ARNT: variants seen among roughly 807,000 people sequenced by gnomAD.
The protein encoded by ARNT is aryl hydrocarbon receptor nuclear translocator, also known as class E basic helix-loop-helix protein 2.
A neutral mutation model predicts 105.0 loss-of-function variants in ARNT; 30 were observed. The observed-to-expected ratio is 0.29, with a 90% confidence interval of 0.21 to 0.39. The LOEUF (loss-of-function observed/expected upper bound fraction) is 0.39, where lower values mean the gene tolerates loss of function less well. ARNT is among the 10% of genes least tolerant of loss of function. ARNT has a pLI of 1.00. For synonymous variants in ARNT, 304 were observed against 344.0 expected, an observed-to-expected ratio of 0.88 and a Z score of 1.29; for missense variants, 748 against 978.7, an observed-to-expected ratio of 0.76 and a Z score of 3.15.
chr1:150,832,498 A>G, intron 8 of ARNT, 99 bp from the exon 9 acceptor site: 1 of 1,104,690 alleles, frequency 9.1e-7, no homozygotes, highest in Non-Finnish European at 1.4e-6. Context: ...ACAACCAGAC[A>G]TAGAAAATTG....
intron 1 of ARNT, among the ~76,000 whole-genome samples, chr1:150,874,793 C>CCAAA (rs1668003509): frequency 6.6e-6 from 1 of 152,042 alleles, no homozygotes; most frequent in Admixed American, 6.6e-5. Context: ...AAGCAAGCAG[C>CCAAA]CAAAGCATAG....
At chr1:150,852,486 G>T (rs1663812560) in intron 3 of ARNT, among the ~76,000 whole-genome samples, 2 of 152,172 alleles carry the variant, frequency 1.3e-5, no homozygotes, top group South Asian at 4.2e-4. Flanking sequence ...TCAATCCACA[G>T]AATTGAGAAA....
chr1:150,864,357 C>G (rs587671128), intron 1 of ARNT, among the ~76,000 whole-genome samples: 1 of 151,874 alleles, frequency 6.6e-6, no homozygotes, highest in African/African-American at 2.4e-5. Flanking sequence ...CTATTGGAAC[C>G]AACCCAAATG....
chr1:150,870,384 A>G lies in ARNT; in HGVS notation c.25+6159T>C, dbSNP rs183413198. Among the ~76,000 whole-genome samples the G allele has an allele frequency of 4.5e-4, 68 of 152,350 alleles. 1 individual carries two copies. Among genetic ancestry groups the G allele is most frequent in the African/African-American group, 1.6e-3 (65 of 41,578 alleles). The stretch of plus-strand genomic sequence containing the variant: ...GTTTTACATTCATTTTTATTCCACA[A>G]ACATACATTGAACTCTAATCCAACA... On this transcript the variant is annotated intron_variant, in intron 1 of 21. Coordinates refer to ENST00000358595, the MANE Select transcript of ARNT (RefSeq NM_001668.4).
intron 2 of ARNT, among the ~76,000 whole-genome samples, chr1:150,854,287 G>A (rs1281848692): frequency 6.6e-6 from 1 of 152,076 alleles, no homozygotes; most frequent in African/African-American, 2.4e-5. Context: ...GCCAGGCATG[G>A]TTGCTCACAC....
intron 1 of ARNT, among the ~76,000 whole-genome samples, chr1:150,863,190 C>T (rs11204733): frequency 0.34 from 52,233 of 151,534 alleles, 9,321 homozygotes; most frequent in South Asian, 0.53. Flanking sequence ...GGCAAAATCC[C>T]GTCTCTACTA....
At chr1:150,825,305 G>A (rs1657975766) in intron 13 of ARNT, among the ~76,000 whole-genome samples, 2 of 152,184 alleles carry the variant, frequency 1.3e-5, no homozygotes, top group South Asian at 4.1e-4. Context: ...ACTGGGTGAT[G>A]TGTTTTATAT....
At chr1:150,833,932 T>G (rs1007847273) in intron 8 of ARNT, among the ~76,000 whole-genome samples, 10 of 151,748 alleles carry the variant, frequency 6.6e-5, no homozygotes, top group Non-Finnish European at 1.3e-4. Flanking sequence ...TTTCTTTTTC[T>G]TTTTCTTTTT....
chr1:150,855,370 T>C (rs1277318847), intron 2 of ARNT, among the ~76,000 whole-genome samples: 1 of 150,358 alleles, frequency 6.7e-6, no homozygotes, highest in Non-Finnish European at 1.5e-5. Context: ...CTGGCTAATA[T>C]GGTAAAACCC....
chr1:150,809,988 G>GT lies in ARNT; in HGVS notation c.*2032dup, dbSNP rs1654437809. On this transcript the variant is annotated 3_prime_UTR_variant, in exon 22 of 22. Coordinates refer to ENST00000358595, the MANE Select transcript of ARNT (RefSeq NM_001668.4). Reference sequence around the variant, plus strand: ...TAAAGACACAATGTGCCTTATGTTTGTATGTCTGGAGCTTAAACTATAGAT... The same window carrying GT: ...TAAAGACACAATGTGCCTTATGTTTGTTATGTCTGGAGCTTAAACTATAGAT... 4.4e-6 allele frequency: 1 copy of GT among 227,540 alleles called. No homozygotes were observed. The highest frequency in any genetic ancestry group is 8.8e-6 in the Non-Finnish European group (1 of 114,120). The allele number at this position is 227,540 out of a possible 1,614,324, so 14.1% of individuals were successfully genotyped here.
At chr1:150,823,476 T>A in intron 13 of ARNT, 131 bp from the exon 14 acceptor site, 1 of 786,188 alleles carries the variant, frequency 1.3e-6, no homozygotes, top group African/African-American at 1.8e-5. Context: ...TTTTCAATAT[T>A]AAAACAAAAT....
intron 14 of ARNT, among the ~76,000 whole-genome samples, chr1:150,818,712 G>A (rs929190631): frequency 3.3e-5 from 5 of 151,642 alleles, no homozygotes; most frequent in Admixed American, 6.6e-5. Context: ...TAGCGCCACC[G>A]CACTCCAGCC....
chr1:150,837,940 C>G (rs1404182175), intron 6 of ARNT, among the ~76,000 whole-genome samples: 2 of 152,048 alleles, frequency 1.3e-5, no homozygotes, highest in Non-Finnish European at 2.9e-5. Flanking sequence ...TAACTATTCT[C>G]TCACATTCCA....
intron 6 of ARNT, among the ~76,000 whole-genome samples, chr1:150,836,708 C>T (rs1333804629): frequency 1.3e-5 from 2 of 152,158 alleles, no homozygotes; most frequent in African/African-American, 4.8e-5. Context: ...CTCTATGTCA[C>T]TATCCACCTC....
chr1:150,846,112 T>C (rs1310123523), intron 4 of ARNT, 151 bp downstream of exon 4: 1 of 608,866 alleles, frequency 1.6e-6, no homozygotes, highest in Non-Finnish European at 2.9e-6. Context: ...ATAGTTATAA[T>C]ACTAAGTTTC....
chr1:150,834,508 C>T, intron 8 of ARNT, 30 bp downstream of exon 8: 4 of 1,604,118 alleles, frequency 2.5e-6, no homozygotes, highest in South Asian at 1.1e-5. Context: ...CCTTCCTATA[C>T]CAAATCACAA....
intron 1 of ARNT, among the ~76,000 whole-genome samples, chr1:150,862,455 G>C (rs1006356944): frequency 2.6e-5 from 4 of 152,000 alleles, no homozygotes; most frequent in African/African-American, 9.7e-5. Flanking sequence ...AATTACCACT[G>C]TTAGTTTAAC....
At chr1:150,833,612 C>A (rs1359484387) in intron 8 of ARNT, among the ~76,000 whole-genome samples, 1 of 152,126 alleles carries the variant, frequency 6.6e-6, no homozygotes, top group African/African-American at 2.4e-5. Context: ...CCTCTCAGTA[C>A]AATGTAGTCA....
chr1:150,863,474 A>G (rs1666018281), intron 1 of ARNT, among the ~76,000 whole-genome samples: 1 of 152,162 alleles, frequency 6.6e-6, no homozygotes, highest in Non-Finnish European at 1.5e-5. Flanking sequence ...AAGGAAATAA[A>G]GAAGGCAGGC....
Sources: allele counts gnomAD v4.1 joint callset (sites outside exome capture counted in the v4.1 genomes callset), GRCh38; gene constraint gnomAD v4.1.1; transcripts MANE v1.5; gene names NCBI Gene and HGNC (gene_info 2026-07-23, HGNC 2026-07-21).